Variants in STX18 observed in about 807,000 individuals in gnomAD.
The protein encoded by STX18 is syntaxin 18.
STX18 carries 40 observed loss-of-function variants against 50.1 expected under a neutral mutation model. The ratio of observed to expected loss-of-function variants is 0.80; its 90% CI spans 0.62 to 1.04. The LOEUF (loss-of-function observed/expected upper bound fraction) is 1.04, where lower values mean the gene tolerates loss of function less well. STX18 is among the 50% of genes least tolerant of loss of function. The pLI is 0.00. For synonymous variants in STX18, 158 were observed against 151.8 expected, an observed-to-expected ratio of 1.04 and a Z score of -0.30; for missense variants, 410 against 415.8, an observed-to-expected ratio of 0.99 and a Z score of 0.12.
chr4:4,535,861 CCTAA>C (rs2108930337), intron 1 of STX18, among the ~76,000 whole-genome samples: 1 of 152,252 alleles, frequency 6.6e-6, no homozygotes, highest in Admixed American at 6.5e-5. Flanking sequence ...ACTGAAATCC[CCTAA>C]CTATGATTAT....
chr4:4,419,609 G>C lies in STX18; in HGVS notation c.*425C>G, dbSNP rs886266352. Reference sequence around the variant, plus strand: ...GGAAACAAAGAAGTAATCATTTGTTGAGAGACGTTATTAACTATGATCTTC... The same window carrying C: ...GGAAACAAAGAAGTAATCATTTGTTCAGAGACGTTATTAACTATGATCTTC... On this transcript the variant is annotated 3_prime_UTR_variant, in exon 11 of 11. Coordinates refer to ENST00000306200, the MANE Select transcript of STX18 (RefSeq NM_016930.4). The C allele has an allele frequency of 6.4e-6, 1 of 156,742 alleles. No homozygotes were observed. Among genetic ancestry groups the C allele is most frequent in the African/African-American group, 2.4e-5 (1 of 41,626 alleles). The allele number at this position is 156,742 out of a possible 1,614,324, so 9.7% of individuals were successfully genotyped here.
At chr4:4,488,624 C>T (rs746176776) in intron 1 of STX18, among the ~76,000 whole-genome samples, 2 of 152,186 alleles carry the variant, frequency 1.3e-5, no homozygotes, top group African/African-American at 2.4e-5. Context: ...CAGTACAGTA[C>T]ATCAAAATGA....
intron 1 of STX18, among the ~76,000 whole-genome samples, chr4:4,537,860 A>G (rs1731413041): frequency 1.3e-5 from 2 of 152,190 alleles, no homozygotes; most frequent in African/African-American, 2.4e-5. Flanking sequence ...TGCAGTATTC[A>G]GAATTAACTC....
intron 1 of STX18, among the ~76,000 whole-genome samples, chr4:4,510,069 T>C (rs901039086): frequency 6.6e-6 from 1 of 152,160 alleles, no homozygotes; most frequent in African/African-American, 2.4e-5. Context: ...TGGGAGTTTC[T>C]GGACTACAGA....
chr4:4,462,918 T>C lies in STX18; in HGVS notation c.237-3431A>G, dbSNP rs758651884. 5.9e-5 allele frequency among the ~76,000 whole-genome samples: 9 copies of C among 152,228 alleles called. No homozygotes were observed. In the South Asian group the frequency reaches 1.2e-3, roughly 21 times the overall value. On this transcript the variant is annotated intron_variant, in intron 2 of 10. Transcript: ENST00000306200. ...TTTACTGTACTAAGATGAGAATCCA[T>C]GCTGCAGTAGTCTGGGAACACTGAA...
At chr4:4,465,587 A>G (rs1309958527) in intron 2 of STX18, among the ~76,000 whole-genome samples, 1 of 152,176 alleles carries the variant, frequency 6.6e-6, no homozygotes, top group African/African-American at 2.4e-5. Context: ...GGTGGGGAAC[A>G]ATACAAACTG....
chr4:4,443,305 C>A (rs1726217615), intron 5 of STX18, among the ~76,000 whole-genome samples: 1 of 152,226 alleles, frequency 6.6e-6, no homozygotes, highest in Non-Finnish European at 1.5e-5. Flanking sequence ...GGAAGACACT[C>A]TGCAGTACTA....
intron 1 of STX18, among the ~76,000 whole-genome samples, chr4:4,509,539 G>C (rs1300263895): frequency 6.6e-6 from 1 of 151,726 alleles, no homozygotes. Flanking sequence ...AATTTAACTT[G>C]GAGTCGAAAG....
intron 1 of STX18, among the ~76,000 whole-genome samples, chr4:4,525,018 A>G (rs1414604044): frequency 6.6e-6 from 1 of 152,264 alleles, no homozygotes; most frequent in African/African-American, 2.4e-5. Context: ...ATGAGATTCC[A>G]GATGTGGAAG....
intron 1 of STX18, among the ~76,000 whole-genome samples, chr4:4,501,959 G>A (rs1434851489): frequency 6.6e-6 from 1 of 152,124 alleles, no homozygotes. Context: ...CATTTTAAAA[G>A]GCAACTGAAA....
chr4:4,493,042 G>GA (rs1175038136), intron 1 of STX18, among the ~76,000 whole-genome samples: 6 of 151,950 alleles, frequency 3.9e-5, no homozygotes, highest in Admixed American at 1.3e-4. Context: ...CACTTATTTG[G>GA]AAAAAAAGAT....
intron 5 of STX18, among the ~76,000 whole-genome samples, chr4:4,450,625 A>C (rs1333875750): frequency 6.6e-6 from 1 of 151,828 alleles, no homozygotes; most frequent in Non-Finnish European, 1.5e-5. Context: ...TTATTATTTG[A>C]TCTATTCTCC....
chr4:4,477,242 AAAACAAAACAAAACG>A (rs1728229783), intron 1 of STX18, among the ~76,000 whole-genome samples: 1 of 152,184 alleles, frequency 6.6e-6, no homozygotes, highest in African/African-American at 2.4e-5. Context: ...ACTCGGTCTC[AAAACAAAACAAAACG>A]AAACAAAACA....
chr4:4,438,799 T>C (rs568702978), intron 5 of STX18, among the ~76,000 whole-genome samples: 90 of 152,004 alleles, frequency 5.9e-4, no homozygotes, highest in Middle Eastern at 3.4e-3. Flanking sequence ...ATACGCTCCA[T>C]AGACTGACAC....
intron 1 of STX18, among the ~76,000 whole-genome samples, chr4:4,538,611 T>A (rs920453405): frequency 3.3e-5 from 5 of 152,124 alleles, no homozygotes; most frequent in African/African-American, 9.7e-5. Flanking sequence ...TCTGTTTTTT[T>A]AAAATACATA....
chr4:4,518,141 T>C (rs550084590), intron 1 of STX18, among the ~76,000 whole-genome samples: 191 of 152,304 alleles, frequency 1.3e-3, no homozygotes, highest in African/African-American at 4.4e-3. Flanking sequence ...GCTTTAAAAC[T>C]TAAATCTATT....
chr4:4,446,072 G>A (rs760397114), intron 5 of STX18, among the ~76,000 whole-genome samples: 7 of 152,012 alleles, frequency 4.6e-5, no homozygotes, highest in Non-Finnish European at 1.0e-4. Context: ...TCAATTCAAT[G>A]AGAAAAAGAA....
chr4:4,514,082 G>T (rs1338681571), intron 1 of STX18, among the ~76,000 whole-genome samples: 1 of 152,064 alleles, frequency 6.6e-6, no homozygotes, highest in Non-Finnish European at 1.5e-5. Flanking sequence ...AATCCACATG[G>T]CCAGGACTTG....
At chr4:4,461,609 C>T (rs1474642821) in intron 2 of STX18, among the ~76,000 whole-genome samples, 2 of 152,108 alleles carry the variant, frequency 1.3e-5, no homozygotes, top group Non-Finnish European at 2.9e-5. Flanking sequence ...TAGGAGCAGG[C>T]CAAGGCTAGC....
Sources: gnomAD v4.1 joint callset for allele counts (sites outside exome capture counted in the v4.1 genomes callset) on GRCh38, gnomAD v4.1.1 for gene constraint, MANE v1.5 for transcripts, NCBI Gene and HGNC (gene_info 2026-07-23, HGNC 2026-07-21) for gene names.